Variants in ZFP36L1 observed in about 807,000 individuals in gnomAD.
ZFP36L1 encodes mRNA decay activator protein ZFP36L1.
A neutral mutation model predicts 16.7 loss-of-function variants in ZFP36L1; 4 were observed. That is an observed-to-expected ratio of 0.24 (90% CI 0.12 to 0.55). ZFP36L1 has a LOEUF of 0.55. Ranked by LOEUF, ZFP36L1 falls within the 20% of genes least tolerant of loss-of-function variation. ZFP36L1 has a pLI of 0.94. For synonymous variants in ZFP36L1, 220 were observed against 190.8 expected (o/e 1.15, Z -1.26); for missense variants, 311 against 449.2 (o/e 0.69, Z 2.78).
chr14:68,791,515 T>C (rs1261972606), intron 1 of ZFP36L1, among the ~76,000 whole-genome samples: 6 of 151,642 alleles, frequency 4.0e-5, no homozygotes, highest in South Asian at 2.1e-4. Flanking sequence ...GTGGGTGTCA[T>C]TGTGCAAATT....
At chr14:68,792,040 T>A (rs192014829) in intron 1 of ZFP36L1, among the ~76,000 whole-genome samples, 1 of 152,344 alleles carries the variant, frequency 6.6e-6, no homozygotes, top group Admixed American at 6.5e-5. Flanking sequence ...TTTTGCTATG[T>A]ACATTTAAAC....
chr14:68,792,045 T>C (rs534026666), intron 1 of ZFP36L1, among the ~76,000 whole-genome samples: 2 of 152,318 alleles, frequency 1.3e-5, no homozygotes, highest in East Asian at 1.9e-4. Flanking sequence ...CTATGTACAT[T>C]TAAACCGCAG....
At chr14:68,791,207 A>C (rs1895059866) in intron 1 of ZFP36L1, 2 of 577,326 alleles carry the variant, frequency 3.5e-6, no homozygotes, top group Non-Finnish European at 6.2e-6. Context: ...GCCCTAGCCC[A>C]CCCCGCCCCC....
chr14:68,793,034 G>T lies in ZFP36L1; in HGVS notation c.-96C>A. On this transcript the variant is annotated 5_prime_UTR_variant, in exon 1 of 2. Coordinates refer to ENST00000439696, the MANE Select transcript of ZFP36L1 (RefSeq NM_004926.4). Reference sequence around the variant, plus strand: ...GCCTCTCCTGTCTGGAGTCCCACACGCCAGTTCCCGGCGCCCCTCGCCTTT... The same window carrying T: ...GCCTCTCCTGTCTGGAGTCCCACACTCCAGTTCCCGGCGCCCCTCGCCTTT... The T allele has an allele frequency of 6.2e-7, 1 of 1,600,548 alleles. No homozygotes were observed.
At chr14:68,795,471 G>A (rs1468204315), upstream of ZFP36L1, among the ~76,000 whole-genome samples, 1 of 152,226 alleles carries the variant, frequency 6.6e-6, no homozygotes, top group Non-Finnish European at 1.5e-5. Flanking sequence ...GTCCCCGCGG[G>A]GCACCGGCTA....
chr14:68,792,560 T>C (rs1473117544), intron 1 of ZFP36L1, among the ~76,000 whole-genome samples: 1 of 152,040 alleles, frequency 6.6e-6, no homozygotes, highest in Non-Finnish European at 1.5e-5. Context: ...AGCAGCACGT[T>C]ACGTAAAACA....
At chr14:68,794,973 T>A (rs920280098), upstream of ZFP36L1, among the ~76,000 whole-genome samples, 1 of 152,212 alleles carries the variant, frequency 6.6e-6, no homozygotes, top group Non-Finnish European at 1.5e-5. Flanking sequence ...GTTCTGCTGC[T>A]GCCCTCCAGC....
chr14:68,794,411 T>G (rs1029933776), upstream of ZFP36L1: 3 of 152,104 alleles, frequency 2.0e-5, no homozygotes, highest in African/African-American at 7.2e-5. Context: ...TACTGTTAGG[T>G]TTGGATGCCG....
upstream of ZFP36L1, chr14:68,793,347 T>C (rs1243145347): frequency 3.0e-6 from 3 of 1,007,678 alleles, no homozygotes; most frequent in East Asian, 3.0e-4. Context: ...AGAGGAAAAG[T>C]TTCAAGTCGG....
intron 1 of ZFP36L1, 152 bp downstream of exon 1, chr14:68,792,730 T>A (rs1895129879): frequency 2.6e-6 from 3 of 1,163,600 alleles, no homozygotes; most frequent in Admixed American, 1.8e-5. Context: ...GGGGCCAAAT[T>A]CCTTCAAACT....
Position 68,792,993 on chromosome 14 carries a change from G to T in ZFP36L1, c.-55C>A. The T allele has an allele frequency of 6.2e-7, 1 of 1,611,236 alleles. No individual in the cohort carries two copies. Reference sequence around the variant, plus strand: ...GATCTGGTGTGTCGCGAAGGTCCCGGTGCGGGGAAGGCGCAGCCTCTCCTG... The same window carrying T: ...GATCTGGTGTGTCGCGAAGGTCCCGTTGCGGGGAAGGCGCAGCCTCTCCTG... On this transcript the variant is annotated 5_prime_UTR_variant, in exon 1 of 2. Coordinates refer to ENST00000439696, the MANE Select transcript of ZFP36L1 (RefSeq NM_004926.4).
intron 1 of ZFP36L1, among the ~76,000 whole-genome samples, chr14:68,792,649 CA>C (rs2140212376): frequency 6.6e-6 from 1 of 152,272 alleles, no homozygotes; most frequent in East Asian, 1.9e-4. Flanking sequence ...CTTCGCCCCT[CA>C]AAACCCTGGC....
intron 1 of ZFP36L1, among the ~76,000 whole-genome samples, chr14:68,792,358 A>G (rs1895105165): frequency 6.6e-6 from 1 of 152,266 alleles, no homozygotes; most frequent in East Asian, 1.9e-4. Context: ...GTTCTGCAAC[A>G]TCTTTTTGAA....
chr14:68,791,894 C>G (rs528125286), intron 1 of ZFP36L1, among the ~76,000 whole-genome samples: 1 of 152,268 alleles, frequency 6.6e-6, no homozygotes. Context: ...GAGCAGCAAG[C>G]TGGGAAAACA....
At chr14:68,794,854 C>A (rs759806337), upstream of ZFP36L1, 1 of 152,688 alleles carries the variant, frequency 6.5e-6, no homozygotes, top group Non-Finnish European at 1.5e-5. Context: ...TGAAACCCAA[C>A]TTTTGCTGCA....
Position 68,789,189 on chromosome 14 carries a change from TG to T in ZFP36L1, c.*343del, listed in dbSNP as rs1340519802. 3.8e-6 allele frequency: 1 copy of T among 266,622 alleles called. No individual in the cohort carries two copies. The highest frequency in any genetic ancestry group is 7.3e-6 in the Non-Finnish European group (1 of 137,774). The allele number at this position is 266,622 out of a possible 1,614,324, so 16.5% of individuals were successfully genotyped here. On this transcript the variant is annotated 3_prime_UTR_variant, in exon 2 of 2. Coordinates refer to ENST00000439696, the MANE Select transcript of ZFP36L1 (RefSeq NM_004926.4). This position sits in a 1 kb window ranked among gnomAD's most constrained non-coding sequence, Gnocchi z 4.5. ...CTAAGTTGCTTCTGTAAACTGTTAC[TG>T]CTTTTTCTCTTGTGATTTGGCACTT... is the stretch of plus-strand genomic sequence containing the variant.
upstream of ZFP36L1, chr14:68,795,965 G>C: frequency 3.0e-6 from 4 of 1,317,468 alleles, no homozygotes; most frequent in Non-Finnish European, 4.1e-6. Flanking sequence ...CGGCCCTACG[G>C]TGCAGGAAGG....
chr14:68,795,868 G>A (rs1305862631), upstream of ZFP36L1: 2 of 610,696 alleles, frequency 3.3e-6, no homozygotes, highest in South Asian at 2.7e-5. Context: ...CTGACCCGGC[G>A]TCCCCGCCGC....
rs1194094894 is a variant in ZFP36L1 at position 68,788,555 on chromosome 14, G to T, written c.*978C>A. 7.2e-5 allele frequency: 11 copies of T among 151,784 alleles called. No individual in the cohort carries two copies. The allele number at this position is 151,784 out of a possible 1,614,324, so 9.4% of individuals were successfully genotyped here. A position where few individuals can be genotyped will look rare whatever the true frequency, so the allele number is the denominator to read the frequency against. ...CAGGAAATCGTTTTACACAGATATT[G>T]TATGTGGAATGAATACCATTAACTG... On this transcript the variant is annotated 3_prime_UTR_variant, in exon 2 of 2. Coordinates refer to ENST00000439696, the MANE Select transcript of ZFP36L1 (RefSeq NM_004926.4).
Sources: allele counts gnomAD v4.1 joint callset (sites outside exome capture counted in the v4.1 genomes callset), GRCh38; gene constraint gnomAD v4.1.1; non-coding constraint Gnocchi (gnomAD v3.1); transcripts MANE v1.5; gene names NCBI Gene and HGNC (gene_info 2026-07-23, HGNC 2026-07-21).